ZCCHC24: variants seen among roughly 807,000 people sequenced by gnomAD.
ZCCHC24 encodes the protein zinc finger CCHC-type containing 24.
Under a neutral mutation model 26.2 loss-of-function variants are expected in ZCCHC24, and 10 were observed. That is an observed-to-expected ratio of 0.38 (90% CI 0.24 to 0.65). ZCCHC24 has a LOEUF of 0.65. Ranked by LOEUF, ZCCHC24 falls within the 30% of genes least tolerant of loss-of-function variation. The pLI, the probability that ZCCHC24 is intolerant of heterozygous loss-of-function variation, is 0.54. For missense variants in ZCCHC24, 243 were observed against 329.1 expected (o/e 0.74, Z 2.03); for synonymous variants, 144 against 147.1 (o/e 0.98, Z 0.15).
intron 1 of ZCCHC24, among the ~76,000 whole-genome samples, chr10:79,437,265 C>T (rs1857228056): frequency 6.6e-6 from 1 of 152,108 alleles, no homozygotes. Flanking sequence ...GTTGCCCAGG[C>T]AGGTCTCAAA....
At chr10:79,423,290 C>T (rs1856972060) in intron 2 of ZCCHC24, among the ~76,000 whole-genome samples, 1 of 151,998 alleles carries the variant, frequency 6.6e-6, no homozygotes, top group South Asian at 2.1e-4. Context: ...GAGGCTCATG[C>T]CTGTAATCCC....
chr10:79,405,158 C>T (rs200717069), intron 2 of ZCCHC24, among the ~76,000 whole-genome samples: 1,704 of 109,182 alleles, frequency 0.016, 35 homozygotes, highest in African/African-American at 0.043. Flanking sequence ...CCAGGAAAGG[C>T]GAGAGACATG....
chr10:79,419,643 C>T (rs1856912606), intron 2 of ZCCHC24, among the ~76,000 whole-genome samples: 1 of 152,156 alleles, frequency 6.6e-6, no homozygotes, highest in Non-Finnish European at 1.5e-5. Context: ...AGTGAGTGAG[C>T]CTTTCTGGCA....
At chr10:79,415,305 T>C (rs1013247047) in intron 2 of ZCCHC24, among the ~76,000 whole-genome samples, 17 of 152,240 alleles carry the variant, frequency 1.1e-4, no homozygotes, top group Non-Finnish European at 7.4e-5. Flanking sequence ...CTATGTGACC[T>C]TAGGTGAGTC....
intron 2 of ZCCHC24, among the ~76,000 whole-genome samples, chr10:79,416,501 G>T (rs2145994): frequency 0.26 from 39,057 of 151,878 alleles, 5,526 homozygotes; most frequent in East Asian, 0.52. Context: ...GGGAGGAGGG[G>T]ATTAGAAATC....
At chr10:79,394,228 T>C in intron 3 of ZCCHC24, 48 bp downstream of exon 3, 1 of 1,586,148 alleles carries the variant, frequency 6.3e-7, no homozygotes, top group South Asian at 1.1e-5. Flanking sequence ...AAGGGAAAAG[T>C]TGCCCTCCCG....
chr10:79,426,688 A>G (rs940637444), intron 2 of ZCCHC24, among the ~76,000 whole-genome samples: 1 of 152,158 alleles, frequency 6.6e-6, no homozygotes, highest in African/African-American at 2.4e-5. Flanking sequence ...AAACATAGTG[A>G]AAAAAAATCA....
In ZCCHC24 at chr10:79,394,432, G is replaced by A; in HGVS notation, c.456C>T (p.Pro152=). 6.2e-7 allele frequency: 1 copy of A among 1,613,920 alleles called. No homozygotes were observed. The highest frequency in any genetic ancestry group is 8.5e-7 in the Non-Finnish European group (1 of 1,179,842). Residue 152 remains proline (P), a synonymous_variant, in exon 3 of 4, where the codon CCC becomes CCT. Coordinates refer to ENST00000372336, the MANE Select transcript of ZCCHC24 (RefSeq NM_153367.4). Reference sequence around the variant, plus strand: ...GGTATGGAGTCAGGCCCTCGCCTTTGGGGCGTGCCTACAGGGCAGGAAGCA... The same window carrying A: ...GGTATGGAGTCAGGCCCTCGCCTTTAGGGCGTGCCTACAGGGCAGGAAGCA... ...HYIKDCPQAR[P]KGEGLTPYQG... is the part of the protein sequence containing the mutation.
At chr10:79,392,674 A>T (rs913023945) in intron 3 of ZCCHC24, among the ~76,000 whole-genome samples, 2 of 152,124 alleles carry the variant, frequency 1.3e-5, no homozygotes, top group African/African-American at 4.8e-5. Context: ...TCCTCAAGAG[A>T]GTGGACAATG....
intron 2 of ZCCHC24, among the ~76,000 whole-genome samples, chr10:79,420,141 T>C (rs1167981612): frequency 7.2e-6 from 1 of 138,082 alleles, no homozygotes; most frequent in Non-Finnish European, 1.5e-5. Context: ...CCCTGGGCCA[T>C]AGGGGAACTG....
intron 2 of ZCCHC24, among the ~76,000 whole-genome samples, chr10:79,395,322 G>A (rs373549845): frequency 2.6e-5 from 4 of 152,188 alleles, no homozygotes; most frequent in Non-Finnish European, 4.4e-5. Context: ...TGCAAGCTCC[G>A]TAGTGCATTG....
chr10:79,435,645 A>T (rs1857205845), intron 1 of ZCCHC24, among the ~76,000 whole-genome samples: 1 of 152,238 alleles, frequency 6.6e-6, no homozygotes, highest in Admixed American at 6.5e-5. Flanking sequence ...GAAAGGGTAG[A>T]GACCGTCAGC....
intron 2 of ZCCHC24, among the ~76,000 whole-genome samples, chr10:79,397,509 C>T (rs914559087): frequency 1.3e-4 from 20 of 152,172 alleles, no homozygotes; most frequent in African/African-American, 4.6e-4. Flanking sequence ...ACTTCTAAGC[C>T]ACCCCCTCTA....
At chr10:79,430,218 C>T (rs983107433) in intron 2 of ZCCHC24, among the ~76,000 whole-genome samples, 9 of 152,222 alleles carry the variant, frequency 5.9e-5, no homozygotes, top group East Asian at 3.9e-4. Context: ...ATGGGACAGG[C>T]GACGAAACTG....
chr10:79,428,256 G>A (rs6480940), intron 2 of ZCCHC24, among the ~76,000 whole-genome samples: 9,882 of 152,262 alleles, frequency 0.065, 865 homozygotes, highest in African/African-American at 0.2. Flanking sequence ...TAAGTGAACT[G>A]AGCCAATCAC....
At chr10:79,429,085 C>T (rs906427624) in intron 2 of ZCCHC24, among the ~76,000 whole-genome samples, 1 of 152,328 alleles carries the variant, frequency 6.6e-6, no homozygotes, top group South Asian at 2.1e-4. Context: ...TTTACAAACT[C>T]TTCCAGAAAA....
chr10:79,418,073 T>A (rs1279196449), intron 2 of ZCCHC24, among the ~76,000 whole-genome samples: 2 of 152,054 alleles, frequency 1.3e-5, no homozygotes, highest in Non-Finnish European at 2.9e-5. Flanking sequence ...CAAATATGCC[T>A]CCAAGACCCC....
chr10:79,423,313 G>A (rs1033146020), intron 2 of ZCCHC24, among the ~76,000 whole-genome samples: 1 of 151,916 alleles, frequency 6.6e-6, no homozygotes, highest in African/African-American at 2.4e-5. Context: ...CACTTTGGGA[G>A]TCCGAGGCAG....
intron 2 of ZCCHC24, among the ~76,000 whole-genome samples, chr10:79,411,633 G>A (rs558146876): frequency 3.1e-4 from 47 of 152,256 alleles, no homozygotes; most frequent in Non-Finnish European, 6.6e-4. Context: ...CTGCCCACGG[G>A]TGCCCCACTT....
Sources: gnomAD v4.1 joint callset for allele counts (sites outside exome capture counted in the v4.1 genomes callset) on GRCh38, gnomAD v4.1.1 for gene constraint, MANE v1.5 for transcripts, NCBI Gene and HGNC (gene_info 2026-07-23, HGNC 2026-07-21) for gene names.